Variants in ZNF475 observed in about 807,000 individuals in gnomAD.
ZNF475 encodes the protein zinc finger protein 475.
chr5:122,165,814 G>A, the ZNF475 span, among the ~76,000 whole-genome samples: 7 of 151,540 alleles, frequency 4.6e-5, no homozygotes, highest in South Asian at 2.1e-4. Flanking sequence ...ATATTTCCAA[G>A]GAATGTACAA....
the ZNF475 span, among the ~76,000 whole-genome samples, chr5:122,165,066 A>G: frequency 6.6e-6 from 1 of 152,248 alleles, no homozygotes; most frequent in Non-Finnish European, 1.5e-5. Context: ...TACCCAGCAC[A>G]GTCCCTGGCA....
chr5:122,163,687 C>A, the ZNF475 span, among the ~76,000 whole-genome samples: 14 of 152,348 alleles, frequency 9.2e-5, no homozygotes, highest in African/African-American at 3.1e-4. Context: ...TTCCCTCAGA[C>A]CTTGGCAAGA....
the ZNF475 span, among the ~76,000 whole-genome samples, chr5:122,164,122 G>T: frequency 2.6e-5 from 4 of 152,204 alleles, no homozygotes; most frequent in South Asian, 2.1e-4. Flanking sequence ...TTAACAATAA[G>T]GTTAGTTCAT....
At chr5:122,181,115 A>T in the ZNF475 span, among the ~76,000 whole-genome samples, 1 of 152,168 alleles carries the variant, frequency 6.6e-6, no homozygotes, top group East Asian at 1.9e-4. Context: ...CAGATGGAAA[A>T]GATGGGTCCT....
the ZNF475 span, chr5:122,180,030 A>G: frequency 5.5e-6 from 1 of 181,076 alleles, no homozygotes; most frequent in South Asian, 2.0e-4. Flanking sequence ...AATGTAAAAT[A>G]AATAATAAAA....
At chr5:122,168,233 G>A in the ZNF475 span, among the ~76,000 whole-genome samples, 120 of 152,246 alleles carry the variant, frequency 7.9e-4, 1 homozygote, top group South Asian at 0.023. Context: ...TTGTAGAGAT[G>A]AGGTTTCATC....
the ZNF475 span, chr5:122,160,390 C>T: frequency 3.2e-6 from 2 of 624,754 alleles, no homozygotes; most frequent in East Asian, 1.3e-4. Flanking sequence ...TTTAGAGCAA[C>T]AGCCTCATGA....
chr5:122,166,621 A>C, the ZNF475 span, among the ~76,000 whole-genome samples: 3 of 151,694 alleles, frequency 2.0e-5, no homozygotes, highest in Admixed American at 6.6e-5. Flanking sequence ...TGATTGCTGA[A>C]AATGACGGTT....
the ZNF475 span, chr5:122,182,640 T>G: frequency 6.5e-7 from 1 of 1,534,532 alleles, no homozygotes; most frequent in African/African-American, 1.4e-5. Flanking sequence ...AGCCGCCAAG[T>G]AAAGCCCTTT....
chr5:122,173,987 T>C, the ZNF475 span, among the ~76,000 whole-genome samples: 2 of 152,244 alleles, frequency 1.3e-5, no homozygotes, highest in Admixed American at 1.3e-4. Flanking sequence ...TCTTTGCCTT[T>C]CTTGGATAAC....
the ZNF475 span, among the ~76,000 whole-genome samples, chr5:122,169,018 A>G: frequency 1.3e-5 from 2 of 152,192 alleles, no homozygotes; most frequent in South Asian, 2.1e-4. Context: ...GCGACCTTCA[A>G]CTGTTTTCTC....
the ZNF475 span, chr5:122,179,602 A>G: frequency 6.5e-7 from 1 of 1,530,512 alleles, no homozygotes; most frequent in African/African-American, 1.4e-5. Flanking sequence ...TGTGGTCGTG[A>G]ATATGGAACA....
At chr5:122,175,365 A>G in the ZNF475 span, among the ~76,000 whole-genome samples, 5,928 of 152,254 alleles carry the variant, frequency 0.039, 366 homozygotes, top group African/African-American at 0.13. Flanking sequence ...TATTTCCCCA[A>G]TGGAGACCAC....
chr5:122,171,171 A>T, the ZNF475 span, among the ~76,000 whole-genome samples: 1 of 152,178 alleles, frequency 6.6e-6, no homozygotes, highest in South Asian at 2.1e-4. Context: ...TTATTTAAGG[A>T]ATTTGCAGAA....
the ZNF475 span, among the ~76,000 whole-genome samples, chr5:122,172,530 T>C: frequency 1.3e-5 from 2 of 152,222 alleles, no homozygotes; most frequent in African/African-American, 4.8e-5. Flanking sequence ...TCCACAGTTC[T>C]GTATACATAT....
At chr5:122,163,730 T>C in the ZNF475 span, among the ~76,000 whole-genome samples, 1 of 152,236 alleles carries the variant, frequency 6.6e-6, no homozygotes, top group African/African-American at 2.4e-5. Context: ...GGGATCCAGC[T>C]GGGAGCAGGG....
At chr5:122,179,749 G>C in the ZNF475 span, 1 of 1,474,702 alleles carries the variant, frequency 6.8e-7, no homozygotes, top group Non-Finnish European at 8.9e-7. Flanking sequence ...CTAGAAAAAA[G>C]ATTTGAGTGC....
chr5:122,179,645 G>GA, the ZNF475 span: 2 of 1,533,108 alleles, frequency 1.3e-6, no homozygotes, highest in East Asian at 2.4e-5. Context: ...CACAATGTCT[G>GA]AAAAAATGGC....
At chr5:122,175,819 T>C in the ZNF475 span, among the ~76,000 whole-genome samples, 1 of 152,208 alleles carries the variant, frequency 6.6e-6, no homozygotes, top group Non-Finnish European at 1.5e-5. Context: ...ACTCTTTTCC[T>C]CTCTGCCTAA....
Sources: allele counts gnomAD v4.1 joint callset (sites outside exome capture counted in the v4.1 genomes callset), GRCh38; gene constraint gnomAD v4.1.1; transcripts MANE v1.5; gene names NCBI Gene and HGNC (gene_info 2026-07-23, HGNC 2026-07-21).